The following APLNR variants were observed in gnomAD, a reference collection of about 807,000 sequenced individuals.
The protein encoded by APLNR is APJ (apelin) receptor.
A neutral mutation model predicts 23.4 loss-of-function variants in APLNR; 13 were observed. The observed-to-expected ratio is 0.56, with a 90% CI of 0.36 to 0.88. The LOEUF (loss-of-function observed/expected upper bound fraction) is 0.88, where lower values mean the gene tolerates loss of function less well. Among genes scored for constraint, APLNR ranks in the 40% least tolerant of loss-of-function variants. The pLI, the probability that APLNR is intolerant of heterozygous loss-of-function variation, is 0.01. For missense variants in APLNR, 480 were observed against 517.1 expected (o/e 0.93, Z 0.70); for synonymous variants, 234 against 211.9 (o/e 1.10, Z -0.91).
Position 57,237,246 on chromosome 11 carries a change from A to AAG in APLNR, c.-244_-243dup. 1 of 514,330 alleles carries AAG rather than the reference A, an allele frequency of 1.9e-6. No individual in the cohort carries two copies. Among genetic ancestry groups the AAG allele is most frequent in the Non-Finnish European group, 3.5e-6 (1 of 285,332 alleles). The allele number at this position is 514,330 out of a possible 1,614,324, so 31.9% of individuals were successfully genotyped here. ...CTCTTGCCTTACCCCCGTCTCAGTT[A>AAG]AGACACTTCCTTGCACCCTCCTGCG... On this transcript the variant is annotated 5_prime_UTR_variant, in exon 1 of 1. Coordinates refer to ENST00000606794, the MANE Select transcript of APLNR (RefSeq NM_005161.6).
Position 57,236,220 on chromosome 11 carries a change from A to T in APLNR, c.785T>A (p.Met262Lys). ...VLVVTFALCW[M>K]PYHLVKTLYM... is the part of the protein sequence containing the mutation. ...CAGCGTCTTCACCAGGTGGTAGGGC[A>T]TCCAGCACAGGGCAAAGGTCACCAC... Residue 262 changes from methionine to lysine, a missense_variant, in exon 1 of 1, where the codon ATG becomes AAG. Met to Lys is a moderately conservative substitution (Grantham distance 95). Transcript: ENST00000606794. 1.2e-6 allele frequency: 2 copies of T among 1,614,066 alleles called. No individual in the cohort carries two copies. The highest frequency in any genetic ancestry group is 1.7e-6 in the Non-Finnish European group (2 of 1,179,972).
Position 57,235,658 on chromosome 11 carries a change from G to T in APLNR, c.*204C>A. On this transcript the variant is annotated 3_prime_UTR_variant, in exon 1 of 1. Coordinates refer to ENST00000606794, the MANE Select transcript of APLNR (RefSeq NM_005161.6). ...AGATTAAATGGCTTGTGCAGGGTCAGGTCTGTAGAGCCCAGTCTCTTTCCC... is the reference window on the plus strand; with the variant it reads ...AGATTAAATGGCTTGTGCAGGGTCATGTCTGTAGAGCCCAGTCTCTTTCCC... 1.7e-6 allele frequency: 1 copy of T among 603,684 alleles called. No homozygotes were observed. The highest frequency in any genetic ancestry group is 2.8e-6 in the Non-Finnish European group (1 of 354,698). 37.4% of individuals were successfully genotyped at this position (603,684 alleles called of 1,614,324 possible).
rs998772870 is a variant in APLNR at position 57,236,239 on chromosome 11, T to C, written c.766A>G (p.Thr256Ala). 5.0e-6 allele frequency: 8 copies of C among 1,613,768 alleles called. No homozygotes were observed. Among genetic ancestry groups the C allele is most frequent in the African/African-American group, 4.0e-5 (3 of 74,894 alleles). Residue 256 changes from threonine to alanine, a missense_variant, in exon 1 of 1, where the codon ACC becomes GCC. Physicochemically the swap from Thr to Ala is moderately conservative, Grantham distance 58. Transcript: ENST00000606794. The part of the protein sequence containing the change: ...LLSIIVVLVV[T>A]FALCWMPYHL... ...TAGGGCATCCAGCACAGGGCAAAGG[T>C]CACCACCAGCACCACGATGATGCTG...
Position 57,236,388 on chromosome 11 carries a change from G to C in APLNR, c.617C>G (p.Thr206Ser), listed in dbSNP as rs766977824. The change falls in exon 1 of 1, where the codon ACC becomes AGC. Residue 206 changes from threonine (T) to serine (S), a missense_variant. Physicochemically the swap from Thr to Ser is moderately conservative, Grantham distance 58. Transcript: ENST00000606794. ...GAAGGGCACCACAAAGCCCACGGTG[G>C]TGGACGAGACCCCAAGGCCCACCTC... ...AWEVGLGVSS[T>S]TVGFVVPFTI... The C allele has an allele frequency of 5.0e-6, 8 of 1,614,108 alleles. No individual in the cohort carries two copies. Among genetic ancestry groups the C allele is most frequent in the Middle Eastern group, 1.6e-4 (1 of 6,062 alleles).
chr11:57,236,183 G>T lies in APLNR; in HGVS notation c.822C>A (p.Gly274=). The change falls in exon 1 of 1, where the codon GGC becomes GGA. Residue 274 remains glycine (G), a synonymous_variant. Transcript: ENST00000606794. ...YHLVKTLYML[G]SLLHWPCDFD... Reference sequence around the variant, plus strand: ...AGTCACAGGGCCAGTGCAGCAGGCTGCCCAGCATGTACAGCGTCTTCACCA... The same window carrying T: ...AGTCACAGGGCCAGTGCAGCAGGCTTCCCAGCATGTACAGCGTCTTCACCA... The T allele has an allele frequency of 1.9e-6, 3 of 1,614,148 alleles. No individual in the cohort carries two copies. In the South Asian group the frequency reaches 3.3e-5, roughly 18 times the overall value.
rs557140778 is a variant in APLNR at position 57,234,010 on chromosome 11, A to G, written c.*1852T>C. 6.6e-6 allele frequency: 1 copy of G among 152,192 alleles called. No homozygotes were observed. The highest frequency in any genetic ancestry group is 1.5e-5 in the Non-Finnish European group (1 of 68,080). 9.4% of individuals were successfully genotyped at this position (152,192 alleles called of 1,614,324 possible). ...TGGGCTTTTCTTATCTCCATCGCTC[A>G]TGTCTTGTCCTTCACTTTCATAGTC... On this transcript the variant is annotated 3_prime_UTR_variant, in exon 1 of 1. Transcript: ENST00000606794.
rs2135370260 is a variant in APLNR, at chr11:57,234,799, C to T, written c.*1063G>A. On this transcript the variant is annotated 3_prime_UTR_variant, in exon 1 of 1. Coordinates refer to ENST00000606794, the MANE Select transcript of APLNR (RefSeq NM_005161.6). ...TCCCAAACAACATGATTCTTGGCACCAAGTAGCACCAGTGCCCAAGAAAGA... is the reference window on the plus strand; with the variant it reads ...TCCCAAACAACATGATTCTTGGCACTAAGTAGCACCAGTGCCCAAGAAAGA... 1 of 152,238 alleles carries T rather than the reference C, an allele frequency of 6.6e-6. No homozygotes were observed. The highest frequency in any genetic ancestry group is 1.9e-4 in the East Asian group (1 of 5,188). 9.4% of individuals were successfully genotyped at this position (152,238 alleles called of 1,614,324 possible). A position where few individuals can be genotyped will look rare whatever the true frequency, so the allele number is the denominator to read the frequency against.
chr11:57,236,030 G>A lies in APLNR; in HGVS notation c.975C>T (p.Cys325=), dbSNP rs147695707. ...RFRQACTSML[C]CGQSRCAGTS... is the part of the protein sequence containing the mutation. The stretch of plus-strand genomic sequence containing the variant: ...TGCCTGCGCACCTGCTCTGGCCACA[G>A]CAGAGCATGGAGGTGCAGGCCTGGC... Residue 325 remains cysteine (C), a synonymous_variant, in exon 1 of 1, where the codon TGC becomes TGT. Coordinates refer to ENST00000606794, the MANE Select transcript of APLNR (RefSeq NM_005161.6). 1,507 of 1,614,278 alleles carry A rather than the reference G, an allele frequency of 9.3e-4. 3 individuals are homozygous for A. Among genetic ancestry groups the A allele is most frequent in the Non-Finnish European group, 1.2e-3 (1,415 of 1,180,052 alleles).
rs908628270 is a variant in APLNR at position 57,235,072 on chromosome 11, G to A, written c.*790C>T. On this transcript the variant is annotated 3_prime_UTR_variant, in exon 1 of 1. Coordinates refer to ENST00000606794, the MANE Select transcript of APLNR (RefSeq NM_005161.6). ...ATAGAAAATAGAGGAAGGATGAAAG[G>A]GTCTGCGGACAATTTGGAGAAAGCA... The A allele has an allele frequency of 3.3e-5, 5 of 152,216 alleles. No individual in the cohort carries two copies. The highest frequency in any genetic ancestry group is 7.3e-5 in the Non-Finnish European group (5 of 68,088). 9.4% of individuals were successfully genotyped at this position (152,216 alleles called of 1,614,324 possible).
Position 57,237,232 on chromosome 11 carries a change from C to A in APLNR, c.-228G>T, listed in dbSNP as rs1404512623. 1.9e-6 allele frequency: 1 copy of A among 538,110 alleles called. No individual in the cohort carries two copies. The allele number at this position is 538,110 out of a possible 1,614,324, so 33.3% of individuals were successfully genotyped here. ...ATTTCCTCCACCCTCTCTTGCCTTA[C>A]CCCCGTCTCAGTTAAGACACTTCCT... is the stretch of plus-strand genomic sequence containing the variant. On this transcript the variant is annotated 5_prime_UTR_variant, in exon 1 of 1. Transcript: ENST00000606794.
In APLNR at chr11:57,236,351, C is replaced by T. The variant is rs1343797833; in HGVS notation, c.654G>A (p.Leu218=). 6.2e-7 allele frequency: 1 copy of T among 1,614,154 alleles called. No individual in the cohort carries two copies. The highest frequency in any genetic ancestry group is 2.2e-5 in the East Asian group (1 of 44,886). Reference sequence around the variant, plus strand: ...TTTGGGCGATGAAGAAGTAACAGGTCAGCATGATGGTGAAGGGCACCACAA... The same window carrying T: ...TTTGGGCGATGAAGAAGTAACAGGTTAGCATGATGGTGAAGGGCACCACAA... ...VGFVVPFTIM[L]TCYFFIAQTI... Residue 218 remains leucine (L), a synonymous_variant, in exon 1 of 1, where the codon CTG becomes CTA. Transcript: ENST00000606794.
rs1457782814 is a variant in APLNR, at chr11:57,234,221, G to GA, written c.*1640dup. On this transcript the variant is annotated 3_prime_UTR_variant, in exon 1 of 1. Coordinates refer to ENST00000606794, the MANE Select transcript of APLNR (RefSeq NM_005161.6). ...AGGTCCAATCCTGAGGGTAGGGAGA[G>GA]AAAAAACCCACCCCGTGCCTTTTGG... 2.0e-5 allele frequency: 3 copies of GA among 152,286 alleles called. No individual in the cohort carries two copies. The East Asian group carries it at 5.8e-4, about 29-fold the overall frequency. The allele number at this position is 152,286 out of a possible 1,614,324, so 9.4% of individuals were successfully genotyped here. A position where few individuals can be genotyped will look rare whatever the true frequency, so the allele number is the denominator to read the frequency against.
Position 57,236,436 on chromosome 11 carries a change from G to C in APLNR, c.569C>G (p.Thr190Ser), listed in dbSNP as rs1366574383. ...QCYMDYSMVA[T>S]VSSEWAWEVG... ...CTCCCAGGCCCACTCTGAGCTCACAGTGGCCACCATGGAGTAGTCCATGTA... is the reference window on the plus strand; with the variant it reads ...CTCCCAGGCCCACTCTGAGCTCACACTGGCCACCATGGAGTAGTCCATGTA... Residue 190 changes from threonine to serine, a missense_variant, in exon 1 of 1, where the codon ACT becomes AGT. Thr to Ser is a moderately conservative substitution (Grantham distance 58). Coordinates refer to ENST00000606794, the MANE Select transcript of APLNR (RefSeq NM_005161.6). 2 of 1,614,136 alleles carry C rather than the reference G, an allele frequency of 1.2e-6. No individual in the cohort carries two copies. Among genetic ancestry groups the C allele is most frequent in the Non-Finnish European group, 1.7e-6 (2 of 1,180,044 alleles).
rs35099041 is a variant in APLNR at position 57,234,743 on chromosome 11, AACAC to A, written c.*1115_*1118del. The A allele has an allele frequency of 0.25, 37,468 of 151,912 alleles. 5,301 individuals carry two copies. The highest frequency in any genetic ancestry group is 0.44 in the South Asian group (2,131 of 4,792). The allele number at this position is 151,912 out of a possible 1,614,324, so 9.4% of individuals were successfully genotyped here. A position where few individuals can be genotyped will look rare whatever the true frequency, so the allele number is the denominator to read the frequency against. ...CTCATCCATATAGACATATAAGTAC[AACAC>A]ACACAGACAAGAGGCAGGCATCTCC... On this transcript the variant is annotated 3_prime_UTR_variant, in exon 1 of 1. Transcript: ENST00000606794.
Position 57,237,150 on chromosome 11 carries a change from T to G in APLNR, c.-146A>C. The G allele has an allele frequency of 1.2e-6, 1 of 812,534 alleles. No homozygotes were observed. The allele number at this position is 812,534 out of a possible 1,614,324, so 50.3% of individuals were successfully genotyped here. A position where few individuals can be genotyped will look rare whatever the true frequency, so the allele number is the denominator to read the frequency against. On this transcript the variant is annotated 5_prime_UTR_variant, in exon 1 of 1. Coordinates refer to ENST00000606794, the MANE Select transcript of APLNR (RefSeq NM_005161.6). ...AGATGCCCAGAGTCCTTCCCAGCAC[T>G]CAGGAGGAGCTGCCTCTGGGTTCTC...
rs768419160 is a variant in APLNR at position 57,236,454 on chromosome 11, T to C, written c.551A>G (p.Asp184Gly). ...GCTCACAGTGGCCACCATGGAGTAG[T>C]CCATGTAGCACTGCACCTTAGTGGT... ...ENTTKVQCYMDYSMVATVSSE... is the reference protein window; with the variant it reads ...ENTTKVQCYMGYSMVATVSSE... Residue 184 changes from aspartate to glycine, a missense_variant, in exon 1 of 1, where the codon GAC becomes GGC. Physicochemically the swap from Asp to Gly is moderately conservative, Grantham distance 94. Coordinates refer to ENST00000606794, the MANE Select transcript of APLNR (RefSeq NM_005161.6). The C allele has an allele frequency of 2.5e-6, 4 of 1,614,078 alleles. No homozygotes were observed. The African/African-American group carries it at 4.0e-5, about 16-fold the overall frequency.
In APLNR at chr11:57,236,018, G is replaced by T; in HGVS notation, c.987C>A (p.Ser329Arg). 6.2e-7 allele frequency: 1 copy of T among 1,614,272 alleles called. No homozygotes were observed. Among genetic ancestry groups the T allele is most frequent in the Non-Finnish European group, 8.5e-7 (1 of 1,180,054 alleles). ...TGCTGTGGGAGGTGCCTGCGCACCT[G>T]CTCTGGCCACAGCAGAGCATGGAGG... ...ACTSMLCCGQ[S>R]RCAGTSHSSS... Residue 329 changes from serine to arginine, a missense_variant, in exon 1 of 1, where the codon AGC becomes AGA. Ser to Arg is a moderately radical substitution (Grantham distance 110). Coordinates refer to ENST00000606794, the MANE Select transcript of APLNR (RefSeq NM_005161.6).
At position 57,235,781 on chromosome 11, in the gene APLNR, A is replaced by G. The variant is rs1590544062; in HGVS notation, c.*81T>C. 2 of 1,471,362 alleles carry G rather than the reference A, an allele frequency of 1.4e-6. No individual in the cohort carries two copies. Among genetic ancestry groups the G allele is most frequent in the East Asian group, 4.5e-5 (2 of 44,058 alleles). The allele number at this position is 1,471,362 out of a possible 1,614,324, so 91.1% of individuals were successfully genotyped here. Reference sequence around the variant, plus strand: ...AAAGGATGTGCATAGGACAAGGAGTAGCCACACTACCTGATTTTCAGAAAG... The same window carrying G: ...AAAGGATGTGCATAGGACAAGGAGTGGCCACACTACCTGATTTTCAGAAAG... On this transcript the variant is annotated 3_prime_UTR_variant, in exon 1 of 1. Transcript: ENST00000606794.
chr11:57,236,748 G>C lies in APLNR; in HGVS notation c.257C>G (p.Ala86Gly). ...LTFVVTLPLW[A>G]TYTYRDYDWP... ...GTCATAGTCCCGGTACGTGTAGGTAGCCCACAGGGGCAGCGTCACCACGAA... is the reference window on the plus strand; with the variant it reads ...GTCATAGTCCCGGTACGTGTAGGTACCCCACAGGGGCAGCGTCACCACGAA... The change falls in exon 1 of 1, where the codon GCT (alanine) becomes GGT (glycine). Residue 86 changes from alanine (A) to glycine (G), a missense_variant. Physicochemically the swap from Ala to Gly is moderately conservative, Grantham distance 60 (BLOSUM62 0). Transcript: ENST00000606794. 1.2e-6 allele frequency: 2 copies of C among 1,614,070 alleles called. No homozygotes were observed. Among genetic ancestry groups the C allele is most frequent in the Non-Finnish European group, 1.7e-6 (2 of 1,180,050 alleles).
Sources: allele counts gnomAD v4.1 joint callset, GRCh38; gene constraint gnomAD v4.1.1; transcripts MANE v1.5; gene names NCBI Gene and HGNC (gene_info 2026-07-23, HGNC 2026-07-21).